The following DCAF6 variants were observed in gnomAD, a reference collection of about 807,000 sequenced individuals.
DCAF6 encodes DDB1- and CUL4-associated factor 6.
Under a neutral mutation model 125.1 loss-of-function variants are expected in DCAF6, and 54 were observed. The observed-to-expected ratio is 0.43, with a 90% CI of 0.35 to 0.54. The LOEUF (loss-of-function observed/expected upper bound fraction) is 0.54. Ranked by LOEUF, DCAF6 falls within the 20% of genes least tolerant of loss-of-function variation. The pLI, the probability that DCAF6 is intolerant of heterozygous loss-of-function variation, is 0.01. For missense variants in DCAF6, 934 were observed against 1,161.7 expected, an observed-to-expected ratio of 0.80 and a Z score of 2.85; for synonymous variants, 371 against 390.4, an observed-to-expected ratio of 0.95 and a Z score of 0.58.
the DCAF6 span, among the ~76,000 whole-genome samples, chr1:167,877,386 C>T: frequency 6.6e-6 from 1 of 151,542 alleles, no homozygotes; most frequent in Non-Finnish European, 1.5e-5. Flanking sequence ...CAGTGCTAAG[C>T]CTCAGGAATA....
At chr1:168,006,857 T>C (rs775960391) in intron 10 of DCAF6, among the ~76,000 whole-genome samples, 7 of 152,184 alleles carry the variant, frequency 4.6e-5, no homozygotes, top group Non-Finnish European at 8.8e-5. Flanking sequence ...ACAATGGGAA[T>C]ATGAAAATTT....
intron 10 of DCAF6, among the ~76,000 whole-genome samples, chr1:168,013,917 T>G (rs1176233335): frequency 6.6e-6 from 1 of 152,092 alleles, no homozygotes; most frequent in Admixed American, 6.6e-5. Flanking sequence ...TTTTGATTTT[T>G]TGTGGAAACA....
chr1:167,924,434 A>C, the DCAF6 span: 1 of 1,392,352 alleles, frequency 7.2e-7, no homozygotes, highest in Non-Finnish European at 9.9e-7. Flanking sequence ...AGTTACTTCA[A>C]ATTAGTAAAT....
At chr1:167,873,110 T>C in the DCAF6 span, among the ~76,000 whole-genome samples, 1 of 152,058 alleles carries the variant, frequency 6.6e-6, no homozygotes, top group African/African-American at 2.4e-5. Flanking sequence ...TGTGTTCTAA[T>C]GTGACTGTCA....
the DCAF6 span, among the ~76,000 whole-genome samples, chr1:167,921,382 T>A: frequency 1.3e-5 from 2 of 152,040 alleles, no homozygotes; most frequent in East Asian, 3.9e-4. Context: ...CCAATATGCC[T>A]GGCTAATTTT....
chr1:167,885,498 G>A, the DCAF6 span, among the ~76,000 whole-genome samples: 2 of 152,198 alleles, frequency 1.3e-5, no homozygotes, highest in Non-Finnish European at 2.9e-5. Context: ...GGGGTAAGAT[G>A]ATAATCTTAT....
At position 168,012,384 on chromosome 1, in the gene DCAF6, G is replaced by A. The variant is rs190061881; in HGVS notation, c.1379-3397G>A. 5.7e-3 allele frequency among the ~76,000 whole-genome samples: 871 copies of A among 152,244 alleles called. 7 individuals are homozygous for A. Among genetic ancestry groups the A allele is most frequent in the Admixed American group, 0.013 (206 of 15,298 alleles). ...AACAAGAATAGGGTTTGTAGTTTGA[G>A]GAGATGACAAAGTACAATTTTCCTG... is the stretch of plus-strand genomic sequence containing the variant. On this transcript the variant is annotated intron_variant, in intron 10 of 21. Coordinates refer to ENST00000367840, the MANE Select transcript of DCAF6 (RefSeq NM_001198956.2).
In DCAF6 at chr1:168,071,591, G is replaced by A. The variant is rs140985069; in HGVS notation, c.2791+3128G>A. 6.8e-4 allele frequency among the ~76,000 whole-genome samples: 104 copies of A among 152,166 alleles called. No individual in the cohort carries two copies. In the Middle Eastern group the frequency reaches 0.01, roughly 15 times the overall value. ...AGAGGTTGCAGTGAGCCAAAATTGC[G>A]CCACTACACTCCAGCCTGGGTGACA... On this transcript the variant is annotated intron_variant, in intron 21 of 21. Coordinates refer to ENST00000367840, the MANE Select transcript of DCAF6 (RefSeq NM_001198956.2).
At chr1:167,951,202 T>C (rs1230875490) in intron 1 of DCAF6, among the ~76,000 whole-genome samples, 1 of 152,232 alleles carries the variant, frequency 6.6e-6, no homozygotes, top group East Asian at 1.9e-4. Flanking sequence ...ACTCAATAAA[T>C]ATTTGTTGAA....
At chr1:168,011,111 ATTTTTT>A (rs370763073) in intron 10 of DCAF6, among the ~76,000 whole-genome samples, 1 of 110,358 alleles carries the variant, frequency 9.1e-6, no homozygotes. Context: ...GACCATCAGA[ATTTTTT>A]TTTTTTTTTT....
chr1:167,868,399 A>G, the DCAF6 span, among the ~76,000 whole-genome samples: 1 of 152,186 alleles, frequency 6.6e-6, no homozygotes, highest in Non-Finnish European at 1.5e-5. Flanking sequence ...GAAAGAATTC[A>G]CTCATCCTGT....
chr1:167,871,308 T>G, the DCAF6 span, among the ~76,000 whole-genome samples: 1 of 152,216 alleles, frequency 6.6e-6, no homozygotes, highest in Non-Finnish European at 1.5e-5. Context: ...TCAGAAATCA[T>G]GTACAGATTA....
At chr1:167,917,840 C>T in the DCAF6 span, 1 of 152,372 alleles carries the variant, frequency 6.6e-6, no homozygotes, top group Non-Finnish European at 1.5e-5. Flanking sequence ...CAAAAATCAT[C>T]AAGATTCTTC....
intron 4 of DCAF6, 40 bp from the exon 5 acceptor site, chr1:167,987,455 A>T: frequency 2.1e-6 from 2 of 963,576 alleles, no homozygotes; most frequent in Non-Finnish European, 3.3e-6. Context: ...GTCTGTTTAA[A>T]TGTTCGTATG....
intron 2 of DCAF6, among the ~76,000 whole-genome samples, chr1:167,959,337 C>T (rs115277456): frequency 1.6e-3 from 247 of 152,274 alleles, no homozygotes; most frequent in African/African-American, 5.7e-3. Context: ...TTGCCATAAA[C>T]GTTTGTGGGC....
At chr1:167,996,347 T>G (rs762309601) in intron 7 of DCAF6, among the ~76,000 whole-genome samples, 7 of 152,170 alleles carry the variant, frequency 4.6e-5, no homozygotes, top group Non-Finnish European at 8.8e-5. Flanking sequence ...TTTGTTGAAT[T>G]CATTCTTTCA....
intron 17 of DCAF6, among the ~76,000 whole-genome samples, chr1:168,059,014 A>G (rs987460153): frequency 6.6e-6 from 1 of 151,574 alleles, no homozygotes; most frequent in Non-Finnish European, 1.5e-5. Context: ...GATTTTTTTC[A>G]CTGTTTTTAG....
chr1:167,884,164 C>G, the DCAF6 span, among the ~76,000 whole-genome samples: 1 of 152,124 alleles, frequency 6.6e-6, no homozygotes, highest in Admixed American at 6.5e-5. Flanking sequence ...TCCGTTCTCC[C>G]ACTGTTATAA....
chr1:168,075,459 A>C lies in DCAF6; in HGVS notation c.*24A>C, dbSNP rs557366956. 6.4e-7 allele frequency: 1 copy of C among 1,558,978 alleles called. No individual in the cohort carries two copies. The highest frequency in any genetic ancestry group is 8.7e-7 in the Non-Finnish European group (1 of 1,155,066). On this transcript the variant is annotated 3_prime_UTR_variant, in exon 22 of 22. Transcript: ENST00000367840. ...AATAAACTCTTTTTGGCAAGCACTT[A>C]AATGTTCTGAAATTTGTATAAGACA...
Sources: allele counts gnomAD v4.1 joint callset (sites outside exome capture counted in the v4.1 genomes callset), GRCh38; gene constraint gnomAD v4.1.1; transcripts MANE v1.5; gene names NCBI Gene and HGNC (gene_info 2026-07-23, HGNC 2026-07-21).